Variants in CTNNA1 observed in about 807,000 individuals in gnomAD.
CTNNA1 encodes catenin alpha-1.
In CTNNA1, 37 loss-of-function variants were observed where a neutral mutation model predicts 98.4. That is an observed-to-expected ratio of 0.38 (90% CI 0.29 to 0.49). CTNNA1 has a LOEUF of 0.49. Among genes scored for constraint, CTNNA1 ranks in the 20% least tolerant of loss-of-function variants. The probability of loss-of-function intolerance (pLI) is 0.95; values close to 1 mark genes in which losing one functional copy is unlikely to be tolerated. For missense variants in CTNNA1, 761 were observed against 1,147.2 expected (o/e 0.66, Z 4.86); for synonymous variants, 404 against 413.2 (o/e 0.98, Z 0.27).
At chr5:138,805,163 T>C (rs987923669) in intron 3 of CTNNA1, among the ~76,000 whole-genome samples, 2 of 152,230 alleles carry the variant, frequency 1.3e-5, no homozygotes, top group South Asian at 2.1e-4. Flanking sequence ...ACTAACCCAT[T>C]CATGAGAAAC....
intron 7 of CTNNA1, among the ~76,000 whole-genome samples, chr5:138,843,911 C>T (rs1411135623): frequency 6.6e-6 from 1 of 152,178 alleles, no homozygotes; most frequent in Non-Finnish European, 1.5e-5. Flanking sequence ...ACTGTAGTTA[C>T]TGAACAGTGC....
At chr5:138,897,778 T>C (rs1257380397) in intron 9 of CTNNA1, among the ~76,000 whole-genome samples, 1 of 152,206 alleles carries the variant, frequency 6.6e-6, no homozygotes, top group Non-Finnish European at 1.5e-5. Flanking sequence ...TTTAACACTT[T>C]GACCAAAAAT....
At chr5:138,887,751 A>G (rs2150034155) in intron 9 of CTNNA1, 109 bp downstream of exon 9, 1 of 860,088 alleles carries the variant, frequency 1.2e-6, no homozygotes, top group Admixed American at 2.5e-5. Flanking sequence ...CTTAACATAC[A>G]ACATGTCTGA....
rs761100108 is a variant in CTNNA1, at chr5:138,904,337, T to A, written c.1297-12T>A. 6.2e-7 allele frequency: 1 copy of A among 1,606,128 alleles called. No homozygotes were observed. The highest frequency in any genetic ancestry group is 1.7e-4 in the Middle Eastern group (1 of 5,814). Reference sequence around the variant, plus strand: ...GAGAAAAATCTTTAAAGATTATTTTTTATGTTTATAGGTTGCCAACTTGGC... The same window carrying A: ...GAGAAAAATCTTTAAAGATTATTTTATATGTTTATAGGTTGCCAACTTGGC... On this transcript the variant is annotated splice_polypyrimidine_tract_variant and intron_variant, in intron 9 of 17. Transcript: ENST00000302763.
chr5:138,876,775 G>C (rs1008722515), intron 7 of CTNNA1, among the ~76,000 whole-genome samples: 9 of 152,174 alleles, frequency 5.9e-5, no homozygotes, highest in African/African-American at 2.2e-4. Context: ...TGTTGTGCTG[G>C]AGTGAGAGCT....
At position 138,873,916 on chromosome 5, in the gene CTNNA1, G is replaced by A. The variant is rs1362720670; in HGVS notation, c.1063-12296G>A. 4.3e-6 allele frequency: 7 copies of A among 1,613,976 alleles called. 1 individual carries two copies. In the Admixed American group the frequency reaches 1.0e-4, roughly 23 times the overall value. On this transcript the variant is annotated intron_variant, in intron 7 of 17. Transcript: ENST00000302763. This position sits in a 1 kb window ranked among gnomAD's most constrained non-coding sequence, Gnocchi z 6.1. Reference sequence around the variant, plus strand: ...GAGCAAAATTAATCTTCGTCAGCTGGTTGTGCTCTAGGTGAAGCTCTCTCA... The same window carrying A: ...GAGCAAAATTAATCTTCGTCAGCTGATTGTGCTCTAGGTGAAGCTCTCTCA...
intron 7 of CTNNA1, among the ~76,000 whole-genome samples, chr5:138,876,970 C>T (rs538642577): frequency 1.1e-4 from 17 of 152,250 alleles, no homozygotes; most frequent in East Asian, 3.9e-4. Context: ...TGAGAGTCTT[C>T]GTACCACAGG....
At chr5:138,930,991 C>G in intron 16 of CTNNA1, 56 bp downstream of exon 16, 1 of 1,112,048 alleles carries the variant, frequency 9.0e-7, no homozygotes, top group South Asian at 1.2e-5. Flanking sequence ...CTCAGGCAGC[C>G]CAGCCTGGTC....
chr5:138,827,625 C>G lies in CTNNA1; in HGVS notation c.969C>G (p.Ser323=). The part of the protein sequence containing the change: ...ISGAALMADS[S]CTRDDRRERI... ...GGGCTGCCTTGATGGCCGACTCGTC[C>G]TGCACGCGTGATGACCGTCGTGAGC... is the stretch of plus-strand genomic sequence containing the variant. Residue 323 remains serine, a synonymous_variant, in exon 7 of 18, where the codon TCC becomes TCG. Coordinates refer to ENST00000302763, the MANE Select transcript of CTNNA1 (RefSeq NM_001903.5). 1.2e-6 allele frequency: 2 copies of G among 1,614,220 alleles called. No homozygotes were observed. Among genetic ancestry groups the G allele is most frequent in the Non-Finnish European group, 1.7e-6 (2 of 1,180,046 alleles).
chr5:138,845,841 G>A (rs1762667881), intron 7 of CTNNA1, among the ~76,000 whole-genome samples: 1 of 152,168 alleles, frequency 6.6e-6, no homozygotes, highest in Non-Finnish European at 1.5e-5. Context: ...CATGTCCTGG[G>A]TACTTAACAG....
chr5:138,883,896 G>A (rs1316649036), intron 7 of CTNNA1, among the ~76,000 whole-genome samples: 1 of 152,176 alleles, frequency 6.6e-6, no homozygotes, highest in Non-Finnish European at 1.5e-5. Flanking sequence ...TTAGATCCTG[G>A]TATTTTGAGC....
At chr5:138,827,959 T>C in intron 7 of CTNNA1, 1 of 512,698 alleles carries the variant, frequency 2.0e-6, no homozygotes, top group Non-Finnish European at 3.5e-6. Flanking sequence ...GAAATTTATC[T>C]GTATTCATCA....
At chr5:138,790,998 A>G (rs1756292878) in intron 3 of CTNNA1, 1 of 152,200 alleles carries the variant, frequency 6.6e-6, no homozygotes, top group South Asian at 2.1e-4. Flanking sequence ...TTATAGTGAC[A>G]ACTATACATC....
At position 138,758,749 on chromosome 5, in the gene CTNNA1, A is replaced by G. The variant is rs141546034; in HGVS notation, c.-3+5239A>G. ...TCCTTTAGTTTTTTGAACATCTGTA[A>G]GACAGTTGTTTTAATGTCTTTGTCT... On this transcript the variant is annotated intron_variant, in intron 1 of 17. Coordinates refer to ENST00000302763, the MANE Select transcript of CTNNA1 (RefSeq NM_001903.5). 2.9e-3 allele frequency among the ~76,000 whole-genome samples: 443 copies of G among 151,816 alleles called. 3 individuals carry two copies. Among genetic ancestry groups the G allele is most frequent in the African/African-American group, 0.01 (416 of 41,378 alleles).
intron 5 of CTNNA1, among the ~76,000 whole-genome samples, chr5:138,820,491 T>A (rs1243534294): frequency 6.6e-6 from 1 of 152,114 alleles, no homozygotes; most frequent in African/African-American, 2.4e-5. Context: ...GAGGTCTGTA[T>A]GTGTCCAAGG....
intron 7 of CTNNA1, among the ~76,000 whole-genome samples, chr5:138,861,564 CCAATTCA>C (rs1369106663): frequency 6.6e-6 from 1 of 152,170 alleles, no homozygotes; most frequent in African/African-American, 2.4e-5. Flanking sequence ...CTTCTACGCC[CCAATTCA>C]CATTCCCCAC....
At position 138,824,645 on chromosome 5, in the gene CTNNA1, C is replaced by T. The variant is rs1461611114; in HGVS notation, c.704C>T (p.Ala235Val). 5 of 1,614,088 alleles carry T rather than the reference C, an allele frequency of 3.1e-6. No individual in the cohort carries two copies. Among genetic ancestry groups the T allele is most frequent in the Non-Finnish European group, 3.4e-6 (4 of 1,180,042 alleles). Residue 235 changes from alanine to valine, a missense_variant, in exon 6 of 18, where the codon GCA becomes GTA. Coordinates refer to ENST00000302763, the MANE Select transcript of CTNNA1 (RefSeq NM_001903.5). ...SQACLQHPDV[A>V]AYKANRDLIY... Reference sequence around the variant, plus strand: ...GCATGCCTACAGCACCCTGATGTCGCAGCCTATAAGGCCAACAGGGACCTG... The same window carrying T: ...GCATGCCTACAGCACCCTGATGTCGTAGCCTATAAGGCCAACAGGGACCTG...
chr5:138,782,197 TGA>T (rs1173284824), intron 2 of CTNNA1, 168 bp downstream of exon 2: 14 of 692,464 alleles, frequency 2.0e-5, no homozygotes, highest in Middle Eastern at 2.4e-4. Flanking sequence ...AGTTAACCCT[TGA>T]GAACGCTGCT....
intron 17 of CTNNA1, among the ~76,000 whole-genome samples, chr5:138,933,144 A>G (rs1463906361): frequency 1.3e-5 from 2 of 152,038 alleles, no homozygotes; most frequent in Admixed American, 6.6e-5. Flanking sequence ...AACAAAACGA[A>G]ACAACAAAAC....
Sources: gnomAD v4.1 joint callset for allele counts (sites outside exome capture counted in the v4.1 genomes callset) on GRCh38, gnomAD v4.1.1 for gene constraint, Gnocchi (gnomAD v3.1) non-coding constraint, MANE v1.5 for transcripts, NCBI Gene and HGNC (gene_info 2026-07-23, HGNC 2026-07-21) for gene names.